CTH: variants seen among roughly 807,000 people sequenced by gnomAD.
CTH encodes the protein cystathionase (cystathionine gamma-lyase).
A neutral mutation model predicts 50.6 loss-of-function variants in CTH; 41 were observed. The observed-to-expected ratio is 0.81, with a 90% confidence interval of 0.63 to 1.05. CTH has a LOEUF of 1.05. CTH is among the 50% of genes least tolerant of loss of function. The pLI is 0.00. For missense variants in CTH, 470 were observed against 492.6 expected (o/e 0.95, Z 0.43); for synonymous variants, 156 against 168.9 (o/e 0.92, Z 0.59).
At position 70,438,808 on chromosome 1, in the gene CTH, T is replaced by C; in HGVS notation, c.1173T>C (p.Asp391=). 1.2e-6 allele frequency: 2 copies of C among 1,613,408 alleles called. No homozygotes were observed. The highest frequency in any genetic ancestry group is 1.7e-6 in the Non-Finnish European group (2 of 1,179,912). ...AGGAAGACCTACTGGAAGATCTAGA[T>C]CAAGCTTTGAAGGCAGCAGTAAGTC... ...EDEEDLLEDL[D]QALKAAHPPS... is the part of the protein sequence containing the mutation. Residue 391 remains aspartate (D), a synonymous_variant, in exon 11 of 12, where the codon GAT becomes GAC. Coordinates refer to ENST00000370938, the MANE Select transcript of CTH (RefSeq NM_001902.6).
intron 3 of CTH, among the ~76,000 whole-genome samples, chr1:70,418,630 C>G (rs1466299347): frequency 6.6e-6 from 1 of 152,172 alleles, no homozygotes; most frequent in Non-Finnish European, 1.5e-5. Flanking sequence ...ATATTCTGCT[C>G]TAGAGAAGAT....
In CTH at chr1:70,424,447, T is replaced by C. The variant is rs761003284; in HGVS notation, c.588+31T>C. On this transcript the variant is annotated intron_variant, in intron 5 of 11. Transcript: ENST00000370938. ...TGAAAATAATTTTTTTTGGCACAAT[T>C]AGTAGACCACATATATCTGTAATTA... 18 of 1,613,222 alleles carry C rather than the reference T, an allele frequency of 1.1e-5. No individual in the cohort carries two copies. The South Asian group carries it at 2.0e-4, about 18-fold the overall frequency.
At chr1:70,432,340 G>A (rs1684495194) in intron 8 of CTH, 105 bp downstream of exon 8, 1 of 1,390,200 alleles carries the variant, frequency 7.2e-7, no homozygotes, top group Non-Finnish European at 1.0e-6. Context: ...TTCACGTATT[G>A]TTTTTGTTCA....
At position 70,433,720 on chromosome 1, in the gene CTH, G is replaced by T. The variant is rs77549931; in HGVS notation, c.878-108G>T. 6.6e-6 allele frequency: 10 copies of T among 1,514,154 alleles called. No individual in the cohort carries two copies. In the African/African-American group the frequency reaches 1.2e-4, roughly 19 times the overall value. The allele number at this position is 1,514,154 out of a possible 1,614,324, so 93.8% of individuals were successfully genotyped here. The stretch of plus-strand genomic sequence containing the variant: ...CAGATGTGAGCATGGCATAATCCTC[G>T]TCTTAGGCTTATTTGCAGTTAAGTA... On this transcript the variant is annotated intron_variant, in intron 8 of 11. Coordinates refer to ENST00000370938, the MANE Select transcript of CTH (RefSeq NM_001902.6).
chr1:70,431,500 G>T (rs663649), intron 7 of CTH, among the ~76,000 whole-genome samples: 40,244 of 152,014 alleles, frequency 0.26, 5,573 homozygotes, highest in Middle Eastern at 0.3. Flanking sequence ...TATAGTTAAA[G>T]ATTAAGCCAT....
At chr1:70,415,409 A>C (rs886931963) in intron 1 of CTH, among the ~76,000 whole-genome samples, 2 of 152,188 alleles carry the variant, frequency 1.3e-5, no homozygotes, top group African/African-American at 4.8e-5. Context: ...ATCCTTAAAA[A>C]AAAAAACTTG....
intron 5 of CTH, among the ~76,000 whole-genome samples, chr1:70,425,704 T>C (rs896001620): frequency 7.3e-5 from 11 of 151,656 alleles, no homozygotes; most frequent in Admixed American, 2.6e-4. Flanking sequence ...ATGACCAGAG[T>C]AGGAGCAAGA....
At chr1:70,420,079 G>A (rs1470416788) in intron 3 of CTH, among the ~76,000 whole-genome samples, 2 of 146,764 alleles carry the variant, frequency 1.4e-5, no homozygotes, top group Admixed American at 7.0e-5. Flanking sequence ...TGCAACCTCC[G>A]CTTCCCGGGT....
intron 1 of CTH, 164 bp downstream of exon 1, chr1:70,411,747 T>A: frequency 1.1e-6 from 1 of 905,198 alleles, no homozygotes; most frequent in Non-Finnish European, 1.3e-6. Context: ...TTGTATCGGA[T>A]GGTCCAGTGA....
Position 70,438,840 on chromosome 1 carries a change from T to TTGTGTGTG in CTH, c.1191+36_1191+43dup, listed in dbSNP as rs58815241. On this transcript the variant is annotated intron_variant, in intron 11 of 11. Transcript: ENST00000370938. ...TTGAAGGCAGCAGTAAGTCTTATTATTGTGTGTGTGTGTGTGTGTGTGTGT... is the reference window on the plus strand; with the variant it reads ...TTGAAGGCAGCAGTAAGTCTTATTATTGTGTGTGTGTGTGTGTGTGTGTGTGTGTGTGT... 64,437 of 1,546,798 alleles carry TTGTGTGTG rather than the reference T, an allele frequency of 0.042. 552 individuals are homozygous for TTGTGTGTG. The highest frequency in any genetic ancestry group is 0.16 in the East Asian group (7,004 of 42,768).
chr1:70,435,196 T>C lies in CTH; in HGVS notation c.1052+19T>C. ...AGCTTCCGTAAGTATAGTTCTGTTT[T>C]TCTCAGTATTTTAAATTTGATGTCA... On this transcript the variant is annotated intron_variant, in intron 10 of 11. Coordinates refer to ENST00000370938, the MANE Select transcript of CTH (RefSeq NM_001902.6). The C allele has an allele frequency of 6.2e-7, 1 of 1,607,850 alleles. No homozygotes were observed. The highest frequency in any genetic ancestry group is 1.1e-5 in the South Asian group (1 of 90,498).
chr1:70,422,870 A>C (rs551367340), intron 4 of CTH, among the ~76,000 whole-genome samples: 211 of 152,158 alleles, frequency 1.4e-3, no homozygotes, highest in Non-Finnish European at 2.4e-3. Context: ...TCAGCCTCCC[A>C]AAGTGCTGCG....
At chr1:70,427,355 A>T (rs940430004) in intron 5 of CTH, among the ~76,000 whole-genome samples, 1 of 152,126 alleles carries the variant, frequency 6.6e-6, no homozygotes, top group African/African-American at 2.4e-5. Context: ...CACCTGTATG[A>T]TGAGAGCCAT....
intron 5 of CTH, among the ~76,000 whole-genome samples, chr1:70,427,863 C>T (rs971236010): frequency 6.6e-6 from 1 of 152,082 alleles, no homozygotes; most frequent in East Asian, 1.9e-4. Flanking sequence ...CAGGTTTCCA[C>T]CACCACCCCC....
chr1:70,421,553 C>T lies in CTH; in HGVS notation c.347-13C>T, dbSNP rs747273605. The T allele has an allele frequency of 2.5e-6, 4 of 1,611,292 alleles. No homozygotes were observed. The South Asian group carries it at 3.3e-5, about 13-fold the overall frequency. On this transcript the variant is annotated splice_polypyrimidine_tract_variant and intron_variant, in intron 3 of 11. Transcript: ENST00000370938. ...ATGTTCTTTTCATTTTATCTGATTC[C>T]CTTCTGTCTCAGGTACAAACAGGTA... is the stretch of plus-strand genomic sequence containing the variant.
At chr1:70,413,939 A>C (rs370333644) in intron 1 of CTH, among the ~76,000 whole-genome samples, 7 of 151,120 alleles carry the variant, frequency 4.6e-5, no homozygotes, top group South Asian at 4.2e-4. Flanking sequence ...ACGGGGTTTC[A>C]CCATGTTGGC....
chr1:70,439,046 G>A, intron 11 of CTH, 55 bp from the exon 12 acceptor site: 1 of 1,569,296 alleles, frequency 6.4e-7, no homozygotes, highest in Non-Finnish European at 8.8e-7. Flanking sequence ...TTGAGGAGTT[G>A]AAGCTATGGC....
Position 70,411,572 on chromosome 1 carries a change from G to T in CTH, c.157G>T (p.Gly53Cys). The T allele has an allele frequency of 6.2e-7, 1 of 1,613,800 alleles. No homozygotes were observed. Among genetic ancestry groups the T allele is most frequent in the Non-Finnish European group, 8.5e-7 (1 of 1,179,774 alleles). Residue 53 changes from glycine (G) to cysteine (C), a missense_variant, in exon 1 of 12, where the codon GGC becomes TGC. Physicochemically the swap from Gly to Cys is radical, Grantham distance 159. Transcript: ENST00000370938. ...CACCACGTTCAAGCAAGGGGCGCCTGGCCAGCACTCGGTGAGCTGGGTCTG... is the reference window on the plus strand; with the variant it reads ...CACCACGTTCAAGCAAGGGGCGCCTTGCCAGCACTCGGTGAGCTGGGTCTG... ...LSTTFKQGAP[G>C]QHSGFEYSRS...
intron 1 of CTH, among the ~76,000 whole-genome samples, chr1:70,413,559 C>A (rs938784907): frequency 6.6e-6 from 1 of 151,386 alleles, no homozygotes; most frequent in Non-Finnish European, 1.5e-5. Flanking sequence ...CCACGGCGCC[C>A]GGCTCACAGC....
Sources: gnomAD v4.1 joint callset for allele counts (sites outside exome capture counted in the v4.1 genomes callset) on GRCh38, gnomAD v4.1.1 for gene constraint, MANE v1.5 for transcripts, NCBI Gene and HGNC (gene_info 2026-07-23, HGNC 2026-07-21) for gene names.